Variants in C12orf42 observed in about 807,000 individuals in gnomAD.
C12orf42 encodes uncharacterized protein C12orf42.
Under a neutral mutation model 21.6 loss-of-function variants are expected in C12orf42, and 25 were observed. The observed-to-expected ratio is 1.16, with a 90% CI of 0.84 to 1.62. C12orf42 has a LOEUF of 1.62. Among genes scored for constraint, C12orf42 ranks in the 40% most tolerant of loss-of-function variants. The pLI is 0.00. For missense variants in C12orf42, 483 were observed against 459.3 expected (o/e 1.05, Z -0.47); for synonymous variants, 174 against 175.0 (o/e 0.99, Z 0.05).
the C12orf42 span, chr12:103,549,088 T>C: frequency 6.6e-6 from 1 of 152,238 alleles, no homozygotes; most frequent in African/African-American, 2.4e-5. Flanking sequence ...TTACTAAGTG[T>C]CACTGTTCAG....
the C12orf42 span, among the ~76,000 whole-genome samples, chr12:103,508,870 C>T: frequency 6.6e-6 from 1 of 152,158 alleles, no homozygotes; most frequent in African/African-American, 2.4e-5. Context: ...AGGTGGCAAT[C>T]ATGTAAGAAC....
chr12:103,136,233 C>T, the C12orf42 span, among the ~76,000 whole-genome samples: 1 of 152,098 alleles, frequency 6.6e-6, no homozygotes, highest in African/African-American at 2.4e-5. Flanking sequence ...AAATCGGTAG[C>T]ATTTCTATGC....
intron 3 of C12orf42, among the ~76,000 whole-genome samples, chr12:103,385,671 AC>A (rs1356291808): frequency 6.6e-6 from 1 of 152,208 alleles, no homozygotes; most frequent in African/African-American, 2.4e-5. Flanking sequence ...ATTTTTGTTT[AC>A]CACAATTCTA....
intron 4 of C12orf42, among the ~76,000 whole-genome samples, chr12:103,361,287 G>C (rs550028844): frequency 5.8e-4 from 88 of 152,192 alleles, no homozygotes; most frequent in Middle Eastern, 3.4e-3. Context: ...TAGATTAAGG[G>C]AAAAGGATTT....
intron 4 of C12orf42, among the ~76,000 whole-genome samples, chr12:103,364,796 C>A (rs1188125022): frequency 2.0e-5 from 3 of 151,864 alleles, no homozygotes; most frequent in East Asian, 3.9e-4. Flanking sequence ...GAATTAGAAA[C>A]CCTGAACAGA....
chr12:103,145,832 T>C, the C12orf42 span, among the ~76,000 whole-genome samples: 2 of 152,142 alleles, frequency 1.3e-5, no homozygotes, highest in Non-Finnish European at 2.9e-5. Context: ...ACATTATAGA[T>C]ATGTAAAATA....
At chr12:103,560,070 C>T in the C12orf42 span, among the ~76,000 whole-genome samples, 3 of 152,202 alleles carry the variant, frequency 2.0e-5, no homozygotes, top group Non-Finnish European at 2.9e-5. Context: ...TAGACTTTAT[C>T]TGCAGGCTAG....
chr12:103,356,601 C>G (rs2043587096), intron 4 of C12orf42, among the ~76,000 whole-genome samples: 1 of 151,854 alleles, frequency 6.6e-6, no homozygotes, highest in Admixed American at 6.6e-5. Flanking sequence ...AATTGCCACA[C>G]TGACTTCCAC....
At chr12:103,210,748 T>C in the C12orf42 span, among the ~76,000 whole-genome samples, 9 of 151,498 alleles carry the variant, frequency 5.9e-5, no homozygotes, top group South Asian at 1.0e-3. Context: ...CCTTTTTCCA[T>C]GACTATCACT....
chr12:103,330,502 T>C (rs907307834), intron 4 of C12orf42, among the ~76,000 whole-genome samples: 1 of 152,190 alleles, frequency 6.6e-6, no homozygotes, highest in Non-Finnish European at 1.5e-5. Flanking sequence ...TAACCTGAAG[T>C]GGTTGGCTAC....
At chr12:103,448,888 ATTC>A (rs1951748248) in intron 2 of C12orf42, among the ~76,000 whole-genome samples, 1 of 152,056 alleles carries the variant, frequency 6.6e-6, no homozygotes, top group Non-Finnish European at 1.5e-5. Context: ...CAGTGTGGAG[ATTC>A]CTTAAAGAAC....
chr12:103,257,937 T>A (rs191743116), intron 10 of C12orf42, among the ~76,000 whole-genome samples: 230 of 152,148 alleles, frequency 1.5e-3, no homozygotes, highest in African/African-American at 5.1e-3. Context: ...AAGATTTTTT[T>A]AAAATCCTAT....
At chr12:103,421,154 C>T (rs1350045135) in intron 2 of C12orf42, among the ~76,000 whole-genome samples, 2 of 151,944 alleles carry the variant, frequency 1.3e-5, no homozygotes, top group East Asian at 3.9e-4. Flanking sequence ...GCCTAGCCTG[C>T]TACAAAGACA....
intron 2 of C12orf42, among the ~76,000 whole-genome samples, chr12:103,440,243 C>T (rs1403166056): frequency 3.9e-5 from 5 of 129,304 alleles, no homozygotes; most frequent in South Asian, 2.6e-4. Flanking sequence ...GAATATCACA[C>T]GCTGGGGACT....
the C12orf42 span, among the ~76,000 whole-genome samples, chr12:103,104,273 A>G: frequency 2.6e-5 from 4 of 152,204 alleles, no homozygotes; most frequent in African/African-American, 9.7e-5. Context: ...AACATGGTTT[A>G]GTTAAACACA....
intron 10 of C12orf42, among the ~76,000 whole-genome samples, chr12:103,260,926 A>C (rs1236353967): frequency 6.6e-6 from 1 of 152,128 alleles, no homozygotes; most frequent in Non-Finnish European, 1.5e-5. Flanking sequence ...ATGTTACCAA[A>C]ACTGAGAACA....
At chr12:103,220,544 G>A in the C12orf42 span, among the ~76,000 whole-genome samples, 20 of 152,178 alleles carry the variant, frequency 1.3e-4, no homozygotes, top group South Asian at 2.1e-4. Context: ...GGAAGCTTCA[G>A]TTCAATAGCG....
upstream of C12orf42, among the ~76,000 whole-genome samples, chr12:103,500,257 T>G (rs1196543590): frequency 6.6e-6 from 1 of 152,216 alleles, no homozygotes; most frequent in Non-Finnish European, 1.5e-5. Context: ...GTGAAGCATG[T>G]TTGAAAGATA....
chr12:103,518,411 C>G, the C12orf42 span, among the ~76,000 whole-genome samples: 1 of 152,166 alleles, frequency 6.6e-6, no homozygotes, highest in Non-Finnish European at 1.5e-5. Flanking sequence ...AGAAACTCTT[C>G]TGCCAATGCC....
Sources: gnomAD v4.1 joint callset for allele counts (sites outside exome capture counted in the v4.1 genomes callset) on GRCh38, gnomAD v4.1.1 for gene constraint, MANE v1.5 for transcripts, NCBI Gene and HGNC (gene_info 2026-07-23, HGNC 2026-07-21) for gene names.